CGGBP1: variants seen among roughly 807,000 people sequenced by gnomAD.
CGGBP1 encodes the protein CGG triplet repeat-binding protein 1.
CGGBP1 carries 4 observed loss-of-function variants against 11.4 expected under a neutral mutation model. The ratio of observed to expected loss-of-function variants is 0.35; its 90% CI spans 0.17 to 0.80. The LOEUF is 0.80. Among genes scored for constraint, CGGBP1 ranks in the 30% least tolerant of loss-of-function variants. The pLI is 0.52. For synonymous variants in CGGBP1, 76 were observed against 74.1 expected, an observed-to-expected ratio of 1.03 and a Z score of -0.13; for missense variants, 135 against 202.1, an observed-to-expected ratio of 0.67 and a Z score of 2.01.
At chr3:88,120,073 T>TA (rs1705676118) in intron 2 of CGGBP1, among the ~76,000 whole-genome samples, 1 of 54,622 alleles carries the variant, frequency 1.8e-5, no homozygotes, top group Non-Finnish European at 5.4e-5. Flanking sequence ...TTCTACTTAT[T>TA]TAAAAAAAAA....
At chr3:88,131,816 A>T (rs1706482793) in intron 2 of CGGBP1, among the ~76,000 whole-genome samples, 1 of 151,852 alleles carries the variant, frequency 6.6e-6, no homozygotes, top group South Asian at 2.1e-4. Context: ...TTAAAAGTTA[A>T]TTTTTACTGT....
At chr3:88,128,552 A>T (rs975992434) in intron 2 of CGGBP1, among the ~76,000 whole-genome samples, 3 of 151,982 alleles carry the variant, frequency 2.0e-5, no homozygotes, top group Admixed American at 6.6e-5. Flanking sequence ...ATTTTTTTTT[A>T]AATTTTGTTT....
At chr3:88,107,630 T>A (rs1240512624) in intron 2 of CGGBP1, among the ~76,000 whole-genome samples, 1 of 152,174 alleles carries the variant, frequency 6.6e-6, no homozygotes, top group Admixed American at 6.5e-5. Flanking sequence ...ATACTCCACC[T>A]CTGTGTTCCT....
At chr3:88,106,800 T>A (rs150477952) in intron 2 of CGGBP1, among the ~76,000 whole-genome samples, 1 of 152,334 alleles carries the variant, frequency 6.6e-6, no homozygotes, top group South Asian at 2.1e-4. Context: ...AACCAAGTTA[T>A]ATGAGGATTT....
rs574204202 is a variant in CGGBP1 at position 88,118,233 on chromosome 3, T to C, written c.-229+22737A>G. On this transcript the variant is annotated intron_variant, in intron 2 of 3. Coordinates refer to the CGGBP1 transcript ENST00000462901. ...CTAGAAGTAGGCCTTAATAAAGCCTTCTTTCCCTGAGACACAACCTGTTTT... is the reference window on the plus strand; with the variant it reads ...CTAGAAGTAGGCCTTAATAAAGCCTCCTTTCCCTGAGACACAACCTGTTTT... 1.1e-4 allele frequency among the ~76,000 whole-genome samples: 16 copies of C among 152,284 alleles called. No homozygotes were observed. In the South Asian group the frequency reaches 2.9e-3, roughly 28 times the overall value.
intron 2 of CGGBP1, among the ~76,000 whole-genome samples, chr3:88,085,769 T>C (rs542090109): frequency 6.6e-6 from 1 of 152,178 alleles, no homozygotes; most frequent in Non-Finnish European, 1.5e-5. Context: ...CTTTTCCCCA[T>C]AGTATGTACA....
chr3:88,075,866 A>C (rs1040010173), intron 2 of CGGBP1, among the ~76,000 whole-genome samples: 3 of 152,088 alleles, frequency 2.0e-5, no homozygotes, highest in African/African-American at 7.2e-5. Context: ...ATTCAATATC[A>C]AGCAAATTTT....
chr3:88,101,837 T>G (rs1208055181), intron 2 of CGGBP1, among the ~76,000 whole-genome samples: 3 of 152,208 alleles, frequency 2.0e-5, no homozygotes, highest in Non-Finnish European at 4.4e-5. Context: ...TTTATCTTTT[T>G]CATAATAGCC....
At chr3:88,094,417 G>C (rs181935859) in intron 2 of CGGBP1, among the ~76,000 whole-genome samples, 2 of 152,160 alleles carry the variant, frequency 1.3e-5, no homozygotes, top group African/African-American at 4.8e-5. Context: ...ATTACTAATT[G>C]GTATATTTCT....
At chr3:88,077,512 T>TC (rs1463440235) in intron 2 of CGGBP1, among the ~76,000 whole-genome samples, 1 of 151,402 alleles carries the variant, frequency 6.6e-6, no homozygotes, top group Non-Finnish European at 1.5e-5. Context: ...TTTTGTGATT[T>TC]TTTTAGTAGA....
chr3:88,073,311 A>T (rs1472819611), intron 2 of CGGBP1, among the ~76,000 whole-genome samples: 1 of 152,230 alleles, frequency 6.6e-6, no homozygotes, highest in Non-Finnish European at 1.5e-5. Flanking sequence ...AACTCAAAAA[A>T]GAATTGGTAG....
At chr3:88,060,445 C>G (rs1706807057), upstream of CGGBP1, among the ~76,000 whole-genome samples, 2 of 152,152 alleles carry the variant, frequency 1.3e-5, no homozygotes, top group South Asian at 4.1e-4. Flanking sequence ...GGTTTGTTCC[C>G]ATTCACAACA....
At chr3:88,089,490 TAAAAAA>T (rs11425740) in intron 2 of CGGBP1, among the ~76,000 whole-genome samples, 1 of 147,646 alleles carries the variant, frequency 6.8e-6, no homozygotes, top group South Asian at 2.1e-4. Context: ...AAACTCTGTT[TAAAAAA>T]AAAAAAATGT....
rs1474217366 is a variant in CGGBP1, at chr3:88,053,874, A to G, written c.*1599T>C. The G allele has an allele frequency of 6.6e-6, 1 of 152,584 alleles. No homozygotes were observed. Among genetic ancestry groups the G allele is most frequent in the Non-Finnish European group, 1.5e-5 (1 of 67,992 alleles). 9.5% of individuals were successfully genotyped at this position (152,584 alleles called of 1,614,324 possible). ...CATGCATTTATCATACTACTTTAACATAACTGAACATGAGGAAAACAGTTC... is the reference window on the plus strand; with the variant it reads ...CATGCATTTATCATACTACTTTAACGTAACTGAACATGAGGAAAACAGTTC... On this transcript the variant is annotated 3_prime_UTR_variant, in exon 4 of 4. Transcript: ENST00000482016.
chr3:88,142,286 AAAAAC>A (rs1707171100), intron 1 of CGGBP1: 1 of 63,524 alleles, frequency 1.6e-5, no homozygotes, highest in Non-Finnish European at 4.5e-5. Flanking sequence ...TTGAAAATTA[AAAAAC>A]AAAACAAAAA....
At chr3:88,122,962 GT>G (rs1265815137) in intron 2 of CGGBP1, among the ~76,000 whole-genome samples, 1 of 149,340 alleles carries the variant, frequency 6.7e-6, no homozygotes, top group Non-Finnish European at 1.5e-5. Flanking sequence ...GTGAGCCAAG[GT>G]TGCACCATTG....
At chr3:88,089,584 A>T (rs1708529790) in intron 2 of CGGBP1, among the ~76,000 whole-genome samples, 1 of 152,194 alleles carries the variant, frequency 6.6e-6, no homozygotes, top group Non-Finnish European at 1.5e-5. Flanking sequence ...GAATAAAATA[A>T]ACAGTTGCTA....
chr3:88,110,144 C>T (rs1705001600), intron 2 of CGGBP1, among the ~76,000 whole-genome samples: 1 of 151,980 alleles, frequency 6.6e-6, no homozygotes, highest in Admixed American at 6.6e-5. Flanking sequence ...AGGAATTGTG[C>T]CAAGTGCTTT....
chr3:88,136,207 A>C (rs962877467), intron 2 of CGGBP1, among the ~76,000 whole-genome samples: 3 of 152,228 alleles, frequency 2.0e-5, no homozygotes, highest in African/African-American at 7.2e-5. Flanking sequence ...ATTTTTGTAC[A>C]TATGAATCTT....
Sources: gnomAD v4.1 joint callset for allele counts (sites outside exome capture counted in the v4.1 genomes callset) on GRCh38, gnomAD v4.1.1 for gene constraint, MANE v1.5 for transcripts, NCBI Gene and HGNC (gene_info 2026-07-23, HGNC 2026-07-21) for gene names.